TRIP12: variants seen among roughly 807,000 people sequenced by gnomAD.
The protein encoded by TRIP12 is E3 ubiquitin-protein ligase TRIP12.
In TRIP12, 25 loss-of-function variants were observed where a neutral mutation model predicts 244.2. The ratio of observed to expected loss-of-function variants is 0.10; its 90% CI spans 0.07 to 0.14. The LOEUF (loss-of-function observed/expected upper bound fraction) is 0.14. Among genes scored for constraint, TRIP12 ranks in the 10% least tolerant of loss-of-function variants. The probability of loss-of-function intolerance (pLI) is 1.00; values close to 1 mark genes in which losing one functional copy is unlikely to be tolerated. For missense variants in TRIP12, 1,677 were observed against 2,486.4 expected (o/e 0.67, Z 6.92); for synonymous variants, 905 against 873.1 (o/e 1.04, Z -0.64).
intron 1 of TRIP12, among the ~76,000 whole-genome samples, chr2:229,905,744 G>C (rs1295331989): frequency 6.6e-6 from 1 of 152,160 alleles, no homozygotes; most frequent in Non-Finnish European, 1.5e-5. Context: ...AAAGCTGGGG[G>C]AGGAGGGTGT....
chr2:229,797,993 G>C (rs1049086993), intron 23 of TRIP12, among the ~76,000 whole-genome samples, 162 bp from the exon 24 acceptor site: 3 of 152,152 alleles, frequency 2.0e-5, no homozygotes, highest in South Asian at 2.1e-4. Context: ...CTTTGAAAAT[G>C]GGCTACGATG....
In TRIP12 at chr2:229,863,733, C is replaced by A. The variant is rs544810778; in HGVS notation, c.99-3202G>T. On this transcript the variant is annotated intron_variant, in intron 2 of 41. Coordinates refer to ENST00000675903, the MANE Select transcript of TRIP12 (RefSeq NM_001348323.3). ...TCTCCATAAAATAATGATGTCCAAT[C>A]TGGAATAGCCAATTAGAACATCACA... Among the ~76,000 whole-genome samples the A allele has an allele frequency of 1.2e-4, 18 of 152,278 alleles. No individual in the cohort carries two copies. The East Asian group carries it at 3.5e-3, about 29-fold the overall frequency.
rs557005641 is a variant in TRIP12 at position 229,909,807 on chromosome 2, T to C, written c.-50+12073A>G. On this transcript the variant is annotated intron_variant, in intron 1 of 41. Coordinates refer to ENST00000675903, the MANE Select transcript of TRIP12 (RefSeq NM_001348323.3). ...CTTTCAAGGCTATGGTGAGACATGA[T>C]TGTACCACTATGCTCCAGCCTGGGA... 1.7e-4 allele frequency among the ~76,000 whole-genome samples: 26 copies of C among 152,220 alleles called. No homozygotes were observed. In the Middle Eastern group the frequency reaches 0.014, roughly 80 times the overall value.
chr2:229,897,255 A>G (rs2069113073), intron 1 of TRIP12, among the ~76,000 whole-genome samples: 1 of 152,256 alleles, frequency 6.6e-6, no homozygotes, highest in African/African-American at 2.4e-5. Context: ...TCATTTATAT[A>G]CAAGGCCTAA....
Position 229,859,341 on chromosome 2 carries a change from G to A in TRIP12, c.458C>T (p.Ser153Leu), listed in dbSNP as rs760698336. ...CTCCTGGTCTAAATGTCTCTTCTTT[G>A]ACTTACTATGTGGCTTATTTGTTTC... ...PSETNKPHSKSKKRHLDQEQQ... is the reference protein window; with the variant it reads ...PSETNKPHSKLKKRHLDQEQQ... Residue 153 changes from serine (S) to leucine (L), a missense_variant, in exon 4 of 42, where the codon TCA (serine) becomes TTA (leucine). By Grantham distance (145) the Ser-to-Leu change is moderately radical. This residue lies in a region of TRIP12 where 387 missense variants were observed against 392.6 expected (regional missense o/e 0.99). Coordinates refer to ENST00000675903, the MANE Select transcript of TRIP12 (RefSeq NM_001348323.3). 10 of 1,614,168 alleles carry A rather than the reference G, an allele frequency of 6.2e-6. No homozygotes were observed. Among genetic ancestry groups the A allele is most frequent in the Middle Eastern group, 1.6e-4 (1 of 6,062 alleles).
intron 6 of TRIP12, among the ~76,000 whole-genome samples, chr2:229,836,431 A>G (rs1008006101): frequency 1.3e-5 from 2 of 152,166 alleles, no homozygotes; most frequent in Non-Finnish European, 2.9e-5. Flanking sequence ...GCCCATAACA[A>G]TATAAATACT....
At position 229,802,364 on chromosome 2, in the gene TRIP12, T is replaced by A. The variant is rs560180072; in HGVS notation, c.3094A>T (p.Thr1032Ser). ...GCTGTCCCACTGCTGACTGAAGTTGTGGATCCCATGGATCCCGATCCATTC... is the reference window on the plus strand; with the variant it reads ...GCTGTCCCACTGCTGACTGAAGTTGAGGATCCCATGGATCCCGATCCATTC... The part of the protein sequence containing the change: ...CTNGSGSMGS[T>S]TSVSSGTATA... Residue 1032 changes from threonine (T) to serine (S), a missense_variant, in exon 21 of 42, where the codon ACA (threonine) becomes TCA (serine). Around this residue, in one of 11 missense-constraint regions of TRIP12, gnomAD observed 572 missense variants for 867.8 expected, o/e 0.66. Coordinates refer to ENST00000675903, the MANE Select transcript of TRIP12 (RefSeq NM_001348323.3). The A allele has an allele frequency of 6.2e-7, 1 of 1,613,986 alleles. No individual in the cohort carries two copies. Among genetic ancestry groups the A allele is most frequent in the Non-Finnish European group, 8.5e-7 (1 of 1,179,958 alleles).
intron 18 of TRIP12, 142 bp from the exon 19 acceptor site, chr2:229,804,369 G>A (rs141870718): frequency 8.9e-6 from 6 of 677,782 alleles, no homozygotes; most frequent in Middle Eastern, 3.9e-4. Context: ...GAACTTCTAT[G>A]ATATGATCAA....
chr2:229,799,259 C>T, intron 22 of TRIP12, 24 bp downstream of exon 22: 2 of 1,610,606 alleles, frequency 1.2e-6, no homozygotes, highest in Non-Finnish European at 1.7e-6. Flanking sequence ...CTTTACCTCC[C>T]CATAGTTTCA....
At chr2:229,776,450 T>TA (rs2036287637) in intron 37 of TRIP12, among the ~76,000 whole-genome samples, 1 of 152,298 alleles carries the variant, frequency 6.6e-6, no homozygotes, top group South Asian at 2.1e-4. Context: ...TTAACAGACT[T>TA]ACTTTTTCAA....
At chr2:229,903,280 C>T (rs7588330) in intron 1 of TRIP12, among the ~76,000 whole-genome samples, 6,557 of 152,074 alleles carry the variant, frequency 0.043, 475 homozygotes, top group African/African-American at 0.15. Context: ...CTTGCTGGAA[C>T]CACTGTGCAA....
chr2:229,904,480 TAAGTA>T (rs2072092551), intron 1 of TRIP12, among the ~76,000 whole-genome samples: 1 of 151,294 alleles, frequency 6.6e-6, no homozygotes, highest in Admixed American at 6.6e-5. Context: ...CAATTATGGT[TAAGTA>T]AATATAAAGC....
chr2:229,900,352 G>C (rs549225996), intron 1 of TRIP12, among the ~76,000 whole-genome samples: 1 of 152,148 alleles, frequency 6.6e-6, no homozygotes, highest in African/African-American at 2.4e-5. Flanking sequence ...ACCAACAAAC[G>C]TATTTTCTAG....
intron 34 of TRIP12, among the ~76,000 whole-genome samples, chr2:229,783,382 A>C (rs2038922036): frequency 6.6e-6 from 1 of 152,198 alleles, no homozygotes; most frequent in African/African-American, 2.4e-5. Context: ...CTTCACAGAA[A>C]GTTTTCCCAA....
chr2:229,889,834 C>T lies in TRIP12; in HGVS notation c.-49-9706G>A, dbSNP rs748951188. ...GCAGAGAAAGAATGATTTGTAAATG[C>T]TTCTCTCCCTTAAGCGACAGACAGA... On this transcript the variant is annotated intron_variant, in intron 1 of 41. Transcript: ENST00000675903. Among the ~76,000 whole-genome samples the T allele has an allele frequency of 9.2e-5, 14 of 152,196 alleles. No homozygotes were observed. In the South Asian group the frequency reaches 2.1e-3, roughly 23 times the overall value.
chr2:229,766,277 A>C lies in TRIP12; in HGVS notation c.*1277T>G, dbSNP rs1181986462. The C allele has an allele frequency of 1.3e-5, 2 of 152,190 alleles. No homozygotes were observed. Among genetic ancestry groups the C allele is most frequent in the African/African-American group, 4.8e-5 (2 of 41,462 alleles). 9.4% of individuals were successfully genotyped at this position (152,190 alleles called of 1,614,324 possible). On this transcript the variant is annotated 3_prime_UTR_variant, in exon 42 of 42. Coordinates refer to ENST00000675903, the MANE Select transcript of TRIP12 (RefSeq NM_001348323.3). The stretch of plus-strand genomic sequence containing the variant: ...CTATTATAAATTGTTTGAATAGCAA[A>C]ATCAGCCATGACCCGAATCATGGAG...
rs772548934 is a variant in TRIP12 at position 229,793,055 on chromosome 2, A to C, written c.4059T>G (p.Asn1353Lys). ...CAGGTCCACCCTTCCACTGCTTCACATTTGCACAGTCTGGATGCCTTTGTA... is the reference window on the plus strand; with the variant it reads ...CAGGTCCACCCTTCCACTGCTTCACCTTTGCACAGTCTGGATGCCTTTGTA... ...CQLQRHPDCANVKQWKGGPVK... is the reference protein window; with the variant it reads ...CQLQRHPDCAKVKQWKGGPVK... The change falls in exon 27 of 42, where the codon AAT becomes AAG. Residue 1353 changes from asparagine (N) to lysine (K), a missense_variant. Around this residue, in one of 11 missense-constraint regions of TRIP12, gnomAD observed 265 missense variants for 370.8 expected, o/e 0.71. Transcript: ENST00000675903. 6.2e-7 allele frequency: 1 copy of C among 1,613,996 alleles called. No individual in the cohort carries two copies. The highest frequency in any genetic ancestry group is 8.5e-7 in the Non-Finnish European group (1 of 1,179,920).
intron 8 of TRIP12, among the ~76,000 whole-genome samples, chr2:229,819,040 C>CCACACA (rs370625320): frequency 0.031 from 4,153 of 133,964 alleles, 118 homozygotes; most frequent in African/African-American, 0.063. Flanking sequence ...AAAATAAAAA[C>CCACACA]CACACACACA....
intron 9 of TRIP12, among the ~76,000 whole-genome samples, 162 bp downstream of exon 9, chr2:229,818,202 C>T (rs1429596706): frequency 1.3e-5 from 2 of 152,190 alleles, no homozygotes; most frequent in Non-Finnish European, 2.9e-5. Flanking sequence ...CAATTGCTCA[C>T]AGTATCTGTA....
Sources: allele counts gnomAD v4.1 joint callset (sites outside exome capture counted in the v4.1 genomes callset), GRCh38; gene constraint gnomAD v4.1.1; regional missense constraint gnomAD v4.1.1; transcripts MANE v1.5; gene names NCBI Gene and HGNC (gene_info 2026-07-23, HGNC 2026-07-21).